LDAH: variants seen among roughly 807,000 people sequenced by gnomAD.
LDAH encodes the protein lipid droplet associated hydrolase, also known as lipid droplet-associated hydrolase.
In LDAH, 26 loss-of-function variants were observed where a neutral mutation model predicts 29.6. The ratio of observed to expected loss-of-function variants is 0.88; its 90% CI spans 0.64 to 1.22. The LOEUF (loss-of-function observed/expected upper bound fraction) is 1.22. Ranked by LOEUF, LDAH falls within the 50% of genes most tolerant of loss-of-function variation. The probability of loss-of-function intolerance (pLI) is 0.00; values close to 1 mark genes in which losing one functional copy is unlikely to be tolerated. For synonymous variants in LDAH, 117 were observed against 133.0 expected (o/e 0.88, Z 0.83); for missense variants, 344 against 387.3 (o/e 0.89, Z 0.94).
Position 20,778,054 on chromosome 2 carries a change from C to T in LDAH, c.299-3075G>A, listed in dbSNP as rs558496548. The stretch of plus-strand genomic sequence containing the variant: ...ACTGCCCGAATTGGTGGATGACAAT[C>T]CAATCCACCATATTGTTACCAATAA... On this transcript the variant is annotated intron_variant, in intron 3 of 6. Transcript: ENST00000237822. Among the ~76,000 whole-genome samples, 260 of 152,262 alleles carry T rather than the reference C, an allele frequency of 1.7e-3. 2 individuals are homozygous for T. The highest frequency in any genetic ancestry group is 6.0e-3 in the African/African-American group (249 of 41,552).
intron 2 of LDAH, 43 bp from the exon 3 acceptor site, chr2:20,790,441 A>C: frequency 6.4e-7 from 1 of 1,570,464 alleles, no homozygotes; most frequent in African/African-American, 1.4e-5. Flanking sequence ...AAAGTAATAA[A>C]CAGGCATAAG....
At position 20,814,239 on chromosome 2, in the gene LDAH, G is replaced by A. The variant is rs1012202184; in HGVS notation, c.-3+8798C>T. On this transcript the variant is annotated intron_variant, in intron 1 of 6. Transcript: ENST00000237822. Reference sequence around the variant, plus strand: ...CAGTGAGTCTGACAATGGGGGGGGGGGGTCCATGGTTTATTTTTAATTATA... The same window carrying A: ...CAGTGAGTCTGACAATGGGGGGGGGAGGTCCATGGTTTATTTTTAATTATA... 2.7e-5 allele frequency among the ~76,000 whole-genome samples: 4 copies of A among 148,702 alleles called. No individual in the cohort carries two copies. In the Admixed American group the frequency reaches 2.7e-4, roughly 10 times the overall value.
intron 1 of LDAH, among the ~76,000 whole-genome samples, chr2:20,811,255 T>A (rs1475341484): frequency 6.6e-6 from 1 of 151,968 alleles, no homozygotes; most frequent in East Asian, 2.0e-4. Flanking sequence ...CCTGACCTCG[T>A]GATCCGCCCA....
intron 5 of LDAH, among the ~76,000 whole-genome samples, chr2:20,723,988 G>T (rs1665846080): frequency 6.6e-6 from 1 of 152,174 alleles, no homozygotes; most frequent in African/African-American, 2.4e-5. Context: ...TTTGCTTAAT[G>T]TCCAAAAATT....
At chr2:20,753,717 T>C (rs1668118458) in intron 4 of LDAH, among the ~76,000 whole-genome samples, 1 of 152,348 alleles carries the variant, frequency 6.6e-6, no homozygotes, top group East Asian at 1.9e-4. Context: ...AAAGCCTTTG[T>C]AATAACTATT....
intron 4 of LDAH, among the ~76,000 whole-genome samples, chr2:20,742,218 G>A (rs1471774611): frequency 6.6e-6 from 1 of 152,160 alleles, no homozygotes; most frequent in Non-Finnish European, 1.5e-5. Flanking sequence ...GGACCATAAT[G>A]TGGTCTATCT....
chr2:20,691,404 T>C (rs1663014325), intron 6 of LDAH, among the ~76,000 whole-genome samples: 1 of 152,178 alleles, frequency 6.6e-6, no homozygotes, highest in Non-Finnish European at 1.5e-5. Context: ...CTCCAACTCC[T>C]GGGCTCAAGT....
chr2:20,747,165 A>G (rs1353811090), intron 4 of LDAH, among the ~76,000 whole-genome samples: 1 of 152,120 alleles, frequency 6.6e-6, no homozygotes, highest in Non-Finnish European at 1.5e-5. Flanking sequence ...GTAAATCTTC[A>G]AAATCCTTGA....
chr2:20,779,041 A>G (rs935883105), intron 3 of LDAH, among the ~76,000 whole-genome samples: 29 of 152,220 alleles, frequency 1.9e-4, no homozygotes, highest in African/African-American at 6.0e-4. Flanking sequence ...AAGACTGGAG[A>G]TTAGCACTAC....
Position 20,698,134 on chromosome 2 carries a change from A to G in LDAH, c.786+3436T>C, listed in dbSNP as rs1276588571. Reference sequence around the variant, plus strand: ...AGGTTTAGAATCCACACTCTAGTTAATGGCGTCCCCATCTATCCATCTGTC... The same window carrying G: ...AGGTTTAGAATCCACACTCTAGTTAGTGGCGTCCCCATCTATCCATCTGTC... On this transcript the variant is annotated intron_variant, in intron 6 of 6. Coordinates refer to ENST00000237822, the MANE Select transcript of LDAH (RefSeq NM_021925.4). The surrounding 1 kb of genome is among the most constrained non-coding windows in gnomAD (Gnocchi z 4.4). Among the ~76,000 whole-genome samples the G allele has an allele frequency of 1.3e-5, 2 of 152,206 alleles. No homozygotes were observed. Among genetic ancestry groups the G allele is most frequent in the African/African-American group, 4.8e-5 (2 of 41,448 alleles).
intron 5 of LDAH, among the ~76,000 whole-genome samples, chr2:20,711,265 G>A (rs1020497442): frequency 6.6e-6 from 1 of 151,956 alleles, no homozygotes; most frequent in Non-Finnish European, 1.5e-5. Flanking sequence ...GTGGGCGCCT[G>A]TAGTCCCAGC....
chr2:20,768,318 T>C (rs761915476), intron 4 of LDAH, among the ~76,000 whole-genome samples: 1 of 152,158 alleles, frequency 6.6e-6, no homozygotes, highest in African/African-American at 2.4e-5. Flanking sequence ...GACTCCCTCT[T>C]TGGGGCCTTG....
At chr2:20,720,477 C>A (rs1176689610) in intron 5 of LDAH, among the ~76,000 whole-genome samples, 1 of 151,960 alleles carries the variant, frequency 6.6e-6, no homozygotes, top group Admixed American at 6.6e-5. Flanking sequence ...AAAGGACACA[C>A]ACACAAAGGA....
chr2:20,707,561 G>A (rs188716644), intron 5 of LDAH, among the ~76,000 whole-genome samples: 212 of 152,368 alleles, frequency 1.4e-3, no homozygotes, highest in African/African-American at 4.3e-3. Flanking sequence ...TGTAGAAGGA[G>A]AAAGCTGTAG....
At chr2:20,697,714 G>A (rs545997423) in intron 6 of LDAH, among the ~76,000 whole-genome samples, 27 of 152,264 alleles carry the variant, frequency 1.8e-4, no homozygotes, top group African/African-American at 6.3e-4. Flanking sequence ...TTTCTCTAAC[G>A]CAGGGCTTCT....
intron 1 of LDAH, among the ~76,000 whole-genome samples, chr2:20,807,763 T>C (rs1672173613): frequency 1.3e-5 from 2 of 151,830 alleles, no homozygotes; most frequent in South Asian, 4.1e-4. Context: ...AAGGGTAAAA[T>C]ATTGAAACCC....
chr2:20,719,817 C>T (rs1665515831), intron 5 of LDAH, among the ~76,000 whole-genome samples: 1 of 152,056 alleles, frequency 6.6e-6, no homozygotes, highest in African/African-American at 2.4e-5. Flanking sequence ...GTTCAGCATA[C>T]ACAAATCAAT....
intron 6 of LDAH, among the ~76,000 whole-genome samples, chr2:20,693,977 A>G (rs1403096332): frequency 1.3e-5 from 2 of 152,248 alleles, no homozygotes; most frequent in Non-Finnish European, 2.9e-5. Flanking sequence ...TCTAAGAAAA[A>G]TATGTCATTC....
intron 3 of LDAH, among the ~76,000 whole-genome samples, chr2:20,784,532 G>A (rs115392436): frequency 0.022 from 3,298 of 151,904 alleles, 118 homozygotes; most frequent in African/African-American, 0.075. Flanking sequence ...AGCTTTAATT[G>A]AGCATTTTAA....
Sources: allele counts gnomAD v4.1 joint callset (sites outside exome capture counted in the v4.1 genomes callset), GRCh38; gene constraint gnomAD v4.1.1; non-coding constraint Gnocchi (gnomAD v3.1); transcripts MANE v1.5; gene names NCBI Gene and HGNC (gene_info 2026-07-23, HGNC 2026-07-21).